Variants in ENTREP2 observed in about 807,000 individuals in gnomAD.
ENTREP2 encodes the protein protein ENTREP2.
At chr15:29,386,629 C>G in the ENTREP2 span, among the ~76,000 whole-genome samples, 1 of 152,178 alleles carries the variant, frequency 6.6e-6, no homozygotes, top group African/African-American at 2.4e-5. Context: ...TGTTGAATCC[C>G]TAACCCGCAA....
chr15:29,437,902 G>C, the ENTREP2 span, among the ~76,000 whole-genome samples: 28 of 152,336 alleles, frequency 1.8e-4, no homozygotes, highest in South Asian at 5.8e-3. Context: ...TCTTCAACCT[G>C]ACCGTGGTAT....
the ENTREP2 span, among the ~76,000 whole-genome samples, chr15:29,240,911 T>C: frequency 6.6e-5 from 10 of 152,300 alleles, no homozygotes; most frequent in East Asian, 1.9e-3. Context: ...ATCATCATCA[T>C]CATCATGATC....
the ENTREP2 span, among the ~76,000 whole-genome samples, chr15:29,628,910 C>T: frequency 0.05 from 7,538 of 152,132 alleles, 204 homozygotes; most frequent in Middle Eastern, 0.068. Context: ...CCAACACACC[C>T]GGCTAATTTT....
At chr15:29,131,973 C>T in the ENTREP2 span, among the ~76,000 whole-genome samples, 25 of 152,292 alleles carry the variant, frequency 1.6e-4, no homozygotes, top group Middle Eastern at 3.4e-3. Context: ...GTGCACGGCC[C>T]GTCACCCATG....
chr15:29,188,139 G>T, the ENTREP2 span, among the ~76,000 whole-genome samples: 1 of 152,110 alleles, frequency 6.6e-6, no homozygotes, highest in Non-Finnish European at 1.5e-5. Flanking sequence ...ATGTGTCTTT[G>T]GTCTCTGCTC....
the ENTREP2 span, among the ~76,000 whole-genome samples, chr15:29,414,671 G>T: frequency 6.6e-6 from 1 of 152,118 alleles, no homozygotes. Context: ...GAAGGAGATA[G>T]AGACACAAAA....
the ENTREP2 span, among the ~76,000 whole-genome samples, chr15:29,156,874 C>T: frequency 6.6e-6 from 1 of 152,068 alleles, no homozygotes; most frequent in Non-Finnish European, 1.5e-5. Flanking sequence ...GCGGGAGGAT[C>T]ACTTGAGGTC....
the ENTREP2 span, among the ~76,000 whole-genome samples, chr15:29,429,309 C>T: frequency 6.6e-6 from 1 of 152,312 alleles, no homozygotes; most frequent in Admixed American, 6.5e-5. Context: ...GCAGCCTCAA[C>T]CTTTCAGGCT....
At chr15:29,151,641 C>T in the ENTREP2 span, 3 of 990,440 alleles carry the variant, frequency 3.0e-6, no homozygotes, top group Non-Finnish European at 4.6e-6. Context: ...CTGTCAGGGG[C>T]CGCTGTCCTC....
the ENTREP2 span, among the ~76,000 whole-genome samples, chr15:29,216,553 A>T: frequency 2.6e-5 from 4 of 152,164 alleles, no homozygotes; most frequent in African/African-American, 9.7e-5. Context: ...TACTCCCCCA[A>T]ATATGTTTTC....
chr15:29,576,516 G>T, the ENTREP2 span, among the ~76,000 whole-genome samples: 5 of 152,276 alleles, frequency 3.3e-5, no homozygotes, highest in East Asian at 9.6e-4. Flanking sequence ...AAAGCACATT[G>T]TCAAGAAAGT....
At chr15:29,634,704 G>A in the ENTREP2 span, among the ~76,000 whole-genome samples, 2 of 152,164 alleles carry the variant, frequency 1.3e-5, no homozygotes, top group South Asian at 2.1e-4. Context: ...ACAAGTCCGG[G>A]GCCTCCAGAA....
chr15:29,359,720 C>A, the ENTREP2 span, among the ~76,000 whole-genome samples: 1 of 152,090 alleles, frequency 6.6e-6, no homozygotes, highest in African/African-American at 2.4e-5. Flanking sequence ...CAGTTTCAAT[C>A]AATTATTCTA....
At chr15:29,494,691 T>A in the ENTREP2 span, among the ~76,000 whole-genome samples, 1 of 152,200 alleles carries the variant, frequency 6.6e-6, no homozygotes. Context: ...CCTGCAACCA[T>A]CATTCTCCTC....
the ENTREP2 span, among the ~76,000 whole-genome samples, chr15:29,322,229 C>T: frequency 6.6e-6 from 1 of 152,056 alleles, no homozygotes; most frequent in African/African-American, 2.4e-5. Context: ...AGGGGTTAAA[C>T]TGAGCTAATT....
chr15:29,458,048 T>A, the ENTREP2 span, among the ~76,000 whole-genome samples: 1 of 152,200 alleles, frequency 6.6e-6, no homozygotes, highest in Non-Finnish European at 1.5e-5. Context: ...ATTATGGGAA[T>A]TGGCTCACAC....
the ENTREP2 span, among the ~76,000 whole-genome samples, chr15:29,656,039 AAAAAC>A: frequency 4.6e-5 from 7 of 151,442 alleles, no homozygotes; most frequent in African/African-American, 1.7e-4. Flanking sequence ...AAAAAAAAAA[AAAAAC>A]AACTATGTAG....
the ENTREP2 span, among the ~76,000 whole-genome samples, chr15:29,618,306 C>A: frequency 3.3e-5 from 5 of 151,954 alleles, no homozygotes; most frequent in African/African-American, 1.2e-4. Context: ...CCCTGTAATC[C>A]CAGCTATTTG....
the ENTREP2 span, among the ~76,000 whole-genome samples, chr15:29,511,048 G>A: frequency 0.07 from 10,654 of 152,068 alleles, 419 homozygotes; most frequent in Non-Finnish European, 0.073. Context: ...CGGTGCGGTG[G>A]GGGGCAAGGG....
Sources: gnomAD v4.1 joint callset for allele counts (sites outside exome capture counted in the v4.1 genomes callset) on GRCh38, gnomAD v4.1.1 for gene constraint, MANE v1.5 for transcripts, NCBI Gene and HGNC (gene_info 2026-07-23, HGNC 2026-07-21) for gene names.